Variants in USP13 observed in about 807,000 individuals in gnomAD.
The protein encoded by USP13 is ubiquitin specific peptidase 13.
A neutral mutation model predicts 107.8 loss-of-function variants in USP13; 68 were observed. That is an observed-to-expected ratio of 0.63 (90% CI 0.52 to 0.77). The LOEUF (loss-of-function observed/expected upper bound fraction) is 0.77, where lower values mean the gene tolerates loss of function less well. Ranked by LOEUF, USP13 falls within the 30% of genes least tolerant of loss-of-function variation. The pLI is 0.00. For missense variants in USP13, 945 were observed against 1,093.3 expected (o/e 0.86, Z 1.91); for synonymous variants, 377 against 389.5 (o/e 0.97, Z 0.38).
At chr3:179,776,228 C>T (rs1323873402) in intron 19 of USP13, among the ~76,000 whole-genome samples, 1 of 152,082 alleles carries the variant, frequency 6.6e-6, no homozygotes, top group Non-Finnish European at 1.5e-5. Context: ...GGGCCATATA[C>T]ATGTCTGTCT....
intron 10 of USP13, among the ~76,000 whole-genome samples, chr3:179,738,894 A>G (rs1576966252): frequency 1.3e-5 from 2 of 152,002 alleles, no homozygotes; most frequent in African/African-American, 4.8e-5. Context: ...GCCTCTTTCC[A>G]CCCGCTGCTG....
intron 13 of USP13, among the ~76,000 whole-genome samples, chr3:179,751,425 C>T (rs989893860): frequency 1.1e-4 from 16 of 152,134 alleles, no homozygotes; most frequent in Admixed American, 5.9e-4. Flanking sequence ...GAGGCCCTGG[C>T]ATTTCCAATA....
intron 14 of USP13, among the ~76,000 whole-genome samples, chr3:179,753,912 C>G (rs146404604): frequency 1.3e-4 from 20 of 152,174 alleles, no homozygotes; most frequent in African/African-American, 4.1e-4. Flanking sequence ...AACACAATAA[C>G]AGAGCCAAGA....
chr3:179,730,183 T>C lies in USP13; in HGVS notation c.1089-6T>C. 1 of 1,610,248 alleles carries C rather than the reference T, an allele frequency of 6.2e-7. No individual in the cohort carries two copies. The highest frequency in any genetic ancestry group is 8.5e-7 in the Non-Finnish European group (1 of 1,178,768). On this transcript the variant is annotated splice_region_variant and splice_polypyrimidine_tract_variant and intron_variant, in intron 8 of 20. Coordinates refer to ENST00000263966, the MANE Select transcript of USP13 (RefSeq NM_003940.3). ...TATGTTTTAACTATTGCCTCTCATT[T>C]TCTAGGTATGTAGGAAACCTTCCCA...
chr3:179,729,349 A>T (rs951417719), intron 8 of USP13, among the ~76,000 whole-genome samples: 1 of 152,214 alleles, frequency 6.6e-6, no homozygotes, highest in Non-Finnish European at 1.5e-5. Flanking sequence ...ATGCTTACTT[A>T]AACTGGATCT....
rs1222880809 is a variant in USP13, at chr3:179,701,051, T to C, written c.399T>C (p.Tyr133=). ...DDDLNSDDYE[Y]EDEAKLVIFP... is the part of the protein sequence containing the mutation. ...ATTTAAATAGCGACGATTATGAATA[T>C]GAAGATGAAGCCAAACTTGTTATAT... The change falls in exon 4 of 21, where the codon TAT becomes TAC. Residue 133 remains tyrosine, a synonymous_variant. Transcript: ENST00000263966. The C allele has an allele frequency of 1.9e-6, 3 of 1,614,030 alleles. No homozygotes were observed. Among genetic ancestry groups the C allele is most frequent in the Admixed American group, 1.7e-5 (1 of 60,014 alleles).
chr3:179,698,941 C>G (rs1576933777), intron 3 of USP13, among the ~76,000 whole-genome samples: 1 of 150,800 alleles, frequency 6.6e-6, no homozygotes, highest in East Asian at 1.9e-4. Context: ...GCAATCTCGG[C>G]TCACTGCAAC....
At chr3:179,654,683 T>A (rs1720199801) in intron 1 of USP13, among the ~76,000 whole-genome samples, 1 of 152,154 alleles carries the variant, frequency 6.6e-6, no homozygotes, top group Admixed American at 6.5e-5. Context: ...GGTCTCGCAA[T>A]GGTCTAATGT....
At chr3:179,754,985 A>G (rs2108527593) in intron 15 of USP13, 131 bp downstream of exon 15, 1 of 1,242,286 alleles carries the variant, frequency 8.0e-7, no homozygotes. Context: ...GCTGTGATGT[A>G]ACCCACCACC....
chr3:179,729,903 A>ATGAAAT (rs1407447200), intron 8 of USP13, among the ~76,000 whole-genome samples: 2 of 152,200 alleles, frequency 1.3e-5, no homozygotes, highest in African/African-American at 2.4e-5. Context: ...GTCTCACGCA[A>ATGAAAT]TGAAATTGGA....
At position 179,787,031 on chromosome 3, in the gene USP13, A is replaced by G. The variant is rs1715932203; in HGVS notation, c.*2890A>G. 1 of 151,902 alleles carries G rather than the reference A, an allele frequency of 6.6e-6. No homozygotes were observed. The highest frequency in any genetic ancestry group is 1.5e-5 in the Non-Finnish European group (1 of 67,948). 9.4% of individuals were successfully genotyped at this position (151,902 alleles called of 1,614,324 possible). A position where few individuals can be genotyped will look rare whatever the true frequency, so the allele number is the denominator to read the frequency against. On this transcript the variant is annotated 3_prime_UTR_variant, in exon 21 of 21. Transcript: ENST00000263966. ...TTCAGATTGGGATTTTCTTTTAAAG[A>G]AAAAAAAAGTATGCAGAAAAGACTA...
In USP13 at chr3:179,742,432, T is replaced by G; in HGVS notation, c.1534+82T>G. 1.3e-6 allele frequency: 2 copies of G among 1,563,818 alleles called. No individual in the cohort carries two copies. Among genetic ancestry groups the G allele is most frequent in the South Asian group, 2.3e-5 (2 of 85,896 alleles). ...AAATCAGAGAGAATGGTTTAGTCACTGAAGTGTGTCAGGAGTAGACCCAGC... is the reference window on the plus strand; with the variant it reads ...AAATCAGAGAGAATGGTTTAGTCACGGAAGTGTGTCAGGAGTAGACCCAGC... On this transcript the variant is annotated intron_variant, in intron 12 of 20. Coordinates refer to ENST00000263966, the MANE Select transcript of USP13 (RefSeq NM_003940.3). This position sits in a 1 kb window ranked among gnomAD's most constrained non-coding sequence, Gnocchi z 5.0.
At position 179,653,556 on chromosome 3, in the gene USP13, G is replaced by C. The variant is rs957362917; in HGVS notation, c.168+163G>C. 1.8e-5 allele frequency: 18 copies of C among 1,000,512 alleles called. No homozygotes were observed. The highest frequency in any genetic ancestry group is 2.4e-5 in the Non-Finnish European group (17 of 706,584). 62.0% of individuals were successfully genotyped at this position (1,000,512 alleles called of 1,614,324 possible). A position where few individuals can be genotyped will look rare whatever the true frequency, so the allele number is the denominator to read the frequency against. On this transcript the variant is annotated intron_variant, in intron 1 of 20. Transcript: ENST00000263966. This position sits in a 1 kb window ranked among gnomAD's most constrained non-coding sequence, Gnocchi z 4.0. The stretch of plus-strand genomic sequence containing the variant: ...CGGCAGACACTTAGTGAGCGCCCCA[G>C]GGCTGCTGCAGCCGAGGACTGGCTC...
intron 4 of USP13, among the ~76,000 whole-genome samples, chr3:179,704,282 C>G (rs1424448747): frequency 1.3e-5 from 2 of 152,072 alleles, no homozygotes; most frequent in Non-Finnish European, 2.9e-5. Context: ...TGTTCAGAAT[C>G]ACAGTGCACT....
intron 10 of USP13, among the ~76,000 whole-genome samples, chr3:179,732,751 A>AT (rs1468063067): frequency 6.6e-6 from 1 of 151,976 alleles, no homozygotes; most frequent in Admixed American, 6.6e-5. Context: ...ATGTTAAAAA[A>AT]AGTAGTTCTT....
intron 10 of USP13, among the ~76,000 whole-genome samples, chr3:179,734,997 T>C (rs1278786649): frequency 6.6e-6 from 1 of 152,208 alleles, no homozygotes; most frequent in East Asian, 1.9e-4. Flanking sequence ...GTGTAAGCAT[T>C]TGGGAGAGAT....
intron 1 of USP13, among the ~76,000 whole-genome samples, chr3:179,659,124 G>A (rs1321891909): frequency 6.6e-6 from 1 of 152,158 alleles, no homozygotes; most frequent in Admixed American, 6.5e-5. Flanking sequence ...AGATGTCACT[G>A]TTGGTTCTTT....
intron 10 of USP13, among the ~76,000 whole-genome samples, chr3:179,737,814 T>C (rs1253716671): frequency 6.6e-6 from 1 of 152,232 alleles, no homozygotes; most frequent in East Asian, 1.9e-4. Flanking sequence ...TCTCATCTCC[T>C]CTGTTGTCCG....
At chr3:179,756,267 A>G (rs1410801831) in intron 15 of USP13, among the ~76,000 whole-genome samples, 1 of 152,180 alleles carries the variant, frequency 6.6e-6, no homozygotes, top group Admixed American at 6.5e-5. Flanking sequence ...TACTAAAAAT[A>G]CGAAAGTTCA....
Sources: gnomAD v4.1 joint callset for allele counts (sites outside exome capture counted in the v4.1 genomes callset) on GRCh38, gnomAD v4.1.1 for gene constraint, Gnocchi (gnomAD v3.1) non-coding constraint, MANE v1.5 for transcripts, NCBI Gene and HGNC (gene_info 2026-07-23, HGNC 2026-07-21) for gene names.